The following SSBP2 variants were observed in gnomAD, a reference collection of about 807,000 sequenced individuals.
SSBP2 encodes the protein single-stranded DNA-binding protein 2.
Under a neutral mutation model 61.8 loss-of-function variants are expected in SSBP2, and 17 were observed. That is an observed-to-expected ratio of 0.28 (90% CI 0.19 to 0.41). SSBP2 has a LOEUF of 0.41. Ranked by LOEUF, SSBP2 falls within the 10% of genes least tolerant of loss-of-function variation. SSBP2 has a pLI of 1.00. For synonymous variants in SSBP2, 139 were observed against 141.3 expected, an observed-to-expected ratio of 0.98 and a Z score of 0.12; for missense variants, 310 against 458.7, an observed-to-expected ratio of 0.68 and a Z score of 2.96.
At chr5:81,689,094 G>A (rs971247142) in intron 1 of SSBP2, among the ~76,000 whole-genome samples, 2 of 151,914 alleles carry the variant, frequency 1.3e-5, no homozygotes, top group Non-Finnish European at 2.9e-5. Flanking sequence ...ACTGAAGAAT[G>A]TATCAGAGTC....
chr5:81,563,490 T>C (rs1323638102), intron 4 of SSBP2, among the ~76,000 whole-genome samples: 2 of 152,056 alleles, frequency 1.3e-5, no homozygotes, highest in African/African-American at 2.4e-5. Context: ...CATTGATAAA[T>C]GAAACTTCAT....
At chr5:81,687,832 C>T (rs1752931122) in intron 1 of SSBP2, among the ~76,000 whole-genome samples, 1 of 152,094 alleles carries the variant, frequency 6.6e-6, no homozygotes, top group Non-Finnish European at 1.5e-5. Flanking sequence ...GCCCTTGGGG[C>T]CTGAATAATC....
At chr5:81,688,903 G>A (rs1198072900) in intron 1 of SSBP2, among the ~76,000 whole-genome samples, 1 of 152,090 alleles carries the variant, frequency 6.6e-6, no homozygotes, top group Non-Finnish European at 1.5e-5. Flanking sequence ...CAATAATGGA[G>A]AGATGGAGAT....
At chr5:81,694,263 ACAGGGTACCTG>A (rs1753435868) in intron 1 of SSBP2, among the ~76,000 whole-genome samples, 1 of 152,216 alleles carries the variant, frequency 6.6e-6, no homozygotes, top group Non-Finnish European at 1.5e-5. Context: ...TGATAGTACA[ACAGGGTACCTG>A]CAGTCAACAA....
At chr5:81,712,189 C>T (rs1754839927) in intron 1 of SSBP2, among the ~76,000 whole-genome samples, 1 of 150,052 alleles carries the variant, frequency 6.7e-6, no homozygotes, top group South Asian at 2.1e-4. Flanking sequence ...TTCATAAGAC[C>T]TTCTAATAAA....
At chr5:81,693,202 TAAAAAAAAAAAA>T (rs34403567) in intron 1 of SSBP2, among the ~76,000 whole-genome samples, 1 of 116,148 alleles carries the variant, frequency 8.6e-6, no homozygotes. Context: ...GACTTTGTCT[TAAAAAAAAAAAA>T]AAAAAAAAAG....
At chr5:81,641,658 C>T (rs1023588177) in intron 2 of SSBP2, among the ~76,000 whole-genome samples, 1 of 151,990 alleles carries the variant, frequency 6.6e-6, no homozygotes, top group African/African-American at 2.4e-5. Context: ...TCAAGAAGAG[C>T]CAAAATAGAA....
chr5:81,588,776 G>C (rs1181899624), intron 4 of SSBP2, among the ~76,000 whole-genome samples: 1 of 152,124 alleles, frequency 6.6e-6, no homozygotes, highest in African/African-American at 2.4e-5. Context: ...TTTTAAAAAT[G>C]TTAATGGGCC....
chr5:81,680,002 C>T (rs1752268275), intron 1 of SSBP2, among the ~76,000 whole-genome samples: 1 of 151,298 alleles, frequency 6.6e-6, no homozygotes. Flanking sequence ...TGAGGTGGGC[C>T]ATCTACCTTC....
intron 6 of SSBP2, among the ~76,000 whole-genome samples, chr5:81,481,631 A>AC (rs1261783751): frequency 6.7e-5 from 10 of 150,120 alleles, no homozygotes; most frequent in Non-Finnish European, 1.0e-4. Context: ...AAAAAAAAAA[A>AC]AAACAAACTG....
intron 4 of SSBP2, among the ~76,000 whole-genome samples, chr5:81,566,318 C>T (rs1373751253): frequency 1.3e-5 from 2 of 152,130 alleles, no homozygotes; most frequent in Admixed American, 1.3e-4. Context: ...TGGGAGGCAC[C>T]TGGTAGGAGA....
intron 5 of SSBP2, among the ~76,000 whole-genome samples, chr5:81,494,371 G>A (rs1029463184): frequency 6.6e-6 from 1 of 152,210 alleles, no homozygotes; most frequent in Non-Finnish European, 1.5e-5. Context: ...ACATGTTCTA[G>A]TGATCTGTGT....
intron 4 of SSBP2, among the ~76,000 whole-genome samples, chr5:81,546,607 T>A (rs998570545): frequency 1.3e-5 from 2 of 152,124 alleles, no homozygotes; most frequent in African/African-American, 4.8e-5. Context: ...ATATTTTTCA[T>A]TAGAACTGTT....
chr5:81,663,182 G>T (rs10942278), intron 1 of SSBP2, among the ~76,000 whole-genome samples: 14,153 of 152,136 alleles, frequency 0.093, 1,617 homozygotes, highest in African/African-American at 0.27. Flanking sequence ...ACAGTATTGT[G>T]GATTCACAAA....
chr5:81,481,174 G>A (rs1765957277), intron 6 of SSBP2, among the ~76,000 whole-genome samples: 1 of 152,162 alleles, frequency 6.6e-6, no homozygotes, highest in South Asian at 2.1e-4. Context: ...TCCCATTAAT[G>A]TTGATATTTT....
intron 4 of SSBP2, among the ~76,000 whole-genome samples, chr5:81,611,125 C>A (rs1436875342): frequency 6.6e-6 from 1 of 152,148 alleles, no homozygotes; most frequent in East Asian, 1.9e-4. Context: ...GTATACATTC[C>A]ATCAAAGACA....
At chr5:81,667,529 C>T (rs988340241) in intron 1 of SSBP2, among the ~76,000 whole-genome samples, 12 of 152,020 alleles carry the variant, frequency 7.9e-5, no homozygotes, top group African/African-American at 2.9e-4. Context: ...CTCATTCTAA[C>T]AATTATGGGT....
At chr5:81,581,589 T>G (rs2153475839) in intron 4 of SSBP2, among the ~76,000 whole-genome samples, 1 of 152,324 alleles carries the variant, frequency 6.6e-6, no homozygotes, top group African/African-American at 2.4e-5. Flanking sequence ...GCTGGGAGAA[T>G]CTATCAGTTG....
At chr5:81,479,448 G>A (rs1248300022) in intron 6 of SSBP2, among the ~76,000 whole-genome samples, 4 of 152,080 alleles carry the variant, frequency 2.6e-5, no homozygotes, top group Middle Eastern at 6.8e-3. Flanking sequence ...CCACTACCTC[G>A]CCTGGCTAAT....
Sources: gnomAD v4.1 joint callset for allele counts (sites outside exome capture counted in the v4.1 genomes callset) on GRCh38, gnomAD v4.1.1 for gene constraint, MANE v1.5 for transcripts, NCBI Gene and HGNC (gene_info 2026-07-23, HGNC 2026-07-21) for gene names.